Variants in MEIOSIN observed in about 807,000 individuals in gnomAD.
MEIOSIN encodes meiosis initiator, also known as meiosis initiator protein.
A neutral mutation model predicts 23.4 loss-of-function variants in MEIOSIN; 18 were observed. That is an observed-to-expected ratio of 0.77 (90% CI 0.53 to 1.14). MEIOSIN has a LOEUF of 1.14. MEIOSIN is among the 50% of genes most tolerant of loss of function. MEIOSIN has a pLI of 0.00. For missense variants in MEIOSIN, 428 were observed against 242.9 expected (o/e 1.76, Z -5.07); for synonymous variants, 187 against 100.6 (o/e 1.86, Z -5.14).
intron 1 of MEIOSIN, among the ~76,000 whole-genome samples, chr19:45,734,348 G>A (rs1199652588): frequency 6.6e-6 from 1 of 152,044 alleles, no homozygotes; most frequent in Non-Finnish European, 1.5e-5. Context: ...GTTTCATAGG[G>A]GCCTGGATTT....
chr19:45,760,088 A>G (rs776182303), intron 11 of MEIOSIN, among the ~76,000 whole-genome samples: 1 of 149,268 alleles, frequency 6.7e-6, no homozygotes, highest in Non-Finnish European at 1.5e-5. Context: ...GGTGTGAGCC[A>G]CCGTGCCCAG....
intron 4 of MEIOSIN, among the ~76,000 whole-genome samples, chr19:45,750,452 C>T (rs544137781): frequency 3.7e-4 from 56 of 151,216 alleles, no homozygotes; most frequent in African/African-American, 1.3e-3. Flanking sequence ...CTCCGCCTCA[C>T]GGGTTCAAGC....
intron 1 of MEIOSIN, among the ~76,000 whole-genome samples, chr19:45,734,126 A>T (rs962506370): frequency 6.6e-6 from 1 of 152,118 alleles, no homozygotes; most frequent in Non-Finnish European, 1.5e-5. Flanking sequence ...ATCCCAATGT[A>T]GAGTATGAAG....
At chr19:45,748,558 G>T (rs1968636388) in intron 4 of MEIOSIN, among the ~76,000 whole-genome samples, 1 of 152,202 alleles carries the variant, frequency 6.6e-6, no homozygotes, top group Admixed American at 6.5e-5. Flanking sequence ...TGAGAGTCCA[G>T]ACTCTGGTGT....
chr19:45,758,002 A>ATT (rs769113461), intron 9 of MEIOSIN, among the ~76,000 whole-genome samples: 123 of 146,056 alleles, frequency 8.4e-4, no homozygotes, highest in South Asian at 1.7e-3. Flanking sequence ...CTCAGAATCC[A>ATT]TTTTTTTTTT....
At chr19:45,738,145 A>C (rs1317356049) in intron 2 of MEIOSIN, among the ~76,000 whole-genome samples, 1 of 152,180 alleles carries the variant, frequency 6.6e-6, no homozygotes, top group African/African-American at 2.4e-5. Context: ...AGCAGATTGG[A>C]GGTTGGATCA....
chr19:45,756,027 A>G lies in MEIOSIN; in HGVS notation c.860A>G (p.Gln287Arg), dbSNP rs941779923. 2.8e-6 allele frequency: 2 copies of G among 702,822 alleles called. No homozygotes were observed. Among genetic ancestry groups the G allele is most frequent in the Non-Finnish European group, 5.2e-6 (2 of 385,010 alleles). 43.5% of individuals were successfully genotyped at this position (702,822 alleles called of 1,614,324 possible). The change falls in exon 8 of 15, where the codon CAG becomes CGG. Residue 287 changes from glutamine to arginine, a missense_variant. Transcript: ENST00000457052. ...GCACCTTTCCCTGCGCTCCTGGCTC[A>G]GGAAGATGTGGCGAGGATCCATTTT... ...DDAPFPALLAQEDVARIHFLN... is the reference protein window; with the variant it reads ...DDAPFPALLAREDVARIHFLN...
At chr19:45,753,582 A>G in intron 5 of MEIOSIN, 69 bp from the exon 6 acceptor site, 1 of 649,020 alleles carries the variant, frequency 1.5e-6, no homozygotes, top group East Asian at 2.7e-5. Context: ...CATTGTCTGG[A>G]AGGCAGGAAC....
chr19:45,757,326 C>G (rs1379774279), intron 9 of MEIOSIN, 49 bp downstream of exon 9: 2 of 690,344 alleles, frequency 2.9e-6, no homozygotes, highest in East Asian at 5.4e-5. Context: ...TGGGCCTTCC[C>G]ATACTTTCAG....
In MEIOSIN at chr19:45,734,510, T is replaced by G. The variant is rs1568552019; in HGVS notation, c.-1+844T>G. On this transcript the variant is annotated intron_variant, in intron 1 of 14. Coordinates refer to ENST00000457052, the MANE Select transcript of MEIOSIN (RefSeq NM_001310124.2). ...TTTGTAGGTTTGGGAGGGCTCCTTTTTTTTTGTTTTTGAGACAAGGTCTCA... is the reference window on the plus strand; with the variant it reads ...TTTGTAGGTTTGGGAGGGCTCCTTTGTTTTTGTTTTTGAGACAAGGTCTCA... Among the ~76,000 whole-genome samples the G allele has an allele frequency of 2.0e-5, 3 of 150,956 alleles. No individual in the cohort carries two copies. In the East Asian group the frequency reaches 5.9e-4, roughly 30 times the overall value.
intron 4 of MEIOSIN, among the ~76,000 whole-genome samples, chr19:45,748,146 C>T (rs1243296765): frequency 1.3e-5 from 2 of 151,704 alleles, no homozygotes; most frequent in South Asian, 2.1e-4. Context: ...GGCACCATCT[C>T]GGCTCACTGC....
At chr19:45,734,465 C>G (rs1440867002) in intron 1 of MEIOSIN, among the ~76,000 whole-genome samples, 1 of 151,964 alleles carries the variant, frequency 6.6e-6, no homozygotes, top group Non-Finnish European at 1.5e-5. Flanking sequence ...TCTGGGGTAT[C>G]TCAGTATTAG....
rs567608929 is a variant in MEIOSIN at position 45,760,924 on chromosome 19, C to CA, written c.1246-741dup. Among the ~76,000 whole-genome samples the CA allele has an allele frequency of 5.9e-3, 535 of 90,994 alleles. 2 individuals are homozygous for CA. Among genetic ancestry groups the CA allele is most frequent in the African/African-American group, 0.017 (348 of 20,286 alleles). 59.7% of individuals were successfully genotyped at this position (90,994 alleles called of 152,430 possible). On this transcript the variant is annotated intron_variant, in intron 11 of 14. Coordinates refer to ENST00000457052, the MANE Select transcript of MEIOSIN (RefSeq NM_001310124.2). ...GAGGGACAAGAGTAAGACTCCGTCT[C>CA]AAAAAAAAAAAAAAGAAAGAAAAGA...
chr19:45,739,675 T>A lies in MEIOSIN; in HGVS notation c.121T>A (p.Ser41Thr), dbSNP rs1568553416. 1 of 703,392 alleles carries A rather than the reference T, an allele frequency of 1.4e-6. No homozygotes were observed. The highest frequency in any genetic ancestry group is 2.3e-4 in the Middle Eastern group (1 of 4,374). The allele number at this position is 703,392 out of a possible 1,614,324, so 43.6% of individuals were successfully genotyped here. The change falls in exon 3 of 15, where the codon TCC becomes ACC. Residue 41 changes from serine to threonine, a missense_variant. Physicochemically the swap from Ser to Thr is moderately conservative, Grantham distance 58. Transcript: ENST00000457052. ...GGAAGGGGAAGATAAGGTCAACCCC[T>A]CCGAACCACATGGACTGAGAATGGA... Reference protein sequence around the residue: ...LVEGEDKVNPSEPHGLRMEEK... With the variant: ...LVEGEDKVNPTEPHGLRMEEK...
At chr19:45,762,888 T>A (rs1968975041) in intron 13 of MEIOSIN, among the ~76,000 whole-genome samples, 1 of 152,240 alleles carries the variant, frequency 6.6e-6, no homozygotes, top group Admixed American at 6.5e-5. Context: ...GCTGGCTTCA[T>A]TCTCTGGCAG....
Position 45,753,705 on chromosome 19 carries a change from C to A in MEIOSIN, c.473C>A (p.Pro158His). ...GPARRRRHST[P>H]SSSPSSQKSC... is the part of the protein sequence containing the mutation. Reference sequence around the variant, plus strand: ...GCCAGGCGGAGGAGACACTCTACCCCCTCCAGCTCCCCAAGCTCTCAGAAG... The same window carrying A: ...GCCAGGCGGAGGAGACACTCTACCCACTCCAGCTCCCCAAGCTCTCAGAAG... The change falls in exon 6 of 15, where the codon CCC (proline) becomes CAC (histidine). Residue 158 changes from proline (P) to histidine (H), a missense_variant. By Grantham distance (77) the Pro-to-His change is moderately conservative (BLOSUM62 -2). Coordinates refer to ENST00000457052, the MANE Select transcript of MEIOSIN (RefSeq NM_001310124.2). 2.8e-6 allele frequency: 2 copies of A among 702,988 alleles called. No homozygotes were observed. Among genetic ancestry groups the A allele is most frequent in the Non-Finnish European group, 5.2e-6 (2 of 384,978 alleles). 43.5% of individuals were successfully genotyped at this position (702,988 alleles called of 1,614,324 possible).
intron 3 of MEIOSIN, among the ~76,000 whole-genome samples, chr19:45,740,733 A>G (rs1209779430): frequency 6.7e-6 from 1 of 149,082 alleles, no homozygotes; most frequent in Non-Finnish European, 1.5e-5. Context: ...CTGGGCAACA[A>G]GGCGAGACTC....
At chr19:45,736,234 A>G (rs2146171119) in intron 2 of MEIOSIN, among the ~76,000 whole-genome samples, 1 of 152,102 alleles carries the variant, frequency 6.6e-6, no homozygotes, top group South Asian at 2.1e-4. Flanking sequence ...TGTTGTAGTG[A>G]CAGGGTCTTG....
chr19:45,742,606 C>T (rs550863243), intron 3 of MEIOSIN, among the ~76,000 whole-genome samples: 4 of 151,800 alleles, frequency 2.6e-5, no homozygotes, highest in Admixed American at 2.0e-4. Flanking sequence ...GATGAAACCC[C>T]GTCTCCACTA....
Sources: gnomAD v4.1 joint callset for allele counts (sites outside exome capture counted in the v4.1 genomes callset) on GRCh38, gnomAD v4.1.1 for gene constraint, MANE v1.5 for transcripts, NCBI Gene and HGNC (gene_info 2026-07-23, HGNC 2026-07-21) for gene names.